MICALL2: variants seen among roughly 807,000 people sequenced by gnomAD.
MICALL2 encodes the protein MICAL-like protein 2.
A neutral mutation model predicts 91.1 loss-of-function variants in MICALL2; 111 were observed. The ratio of observed to expected loss-of-function variants is 1.22; its 90% confidence interval spans 1.04 to 1.43. The LOEUF is 1.43. Ranked by LOEUF, MICALL2 falls within the 40% of genes most tolerant of loss-of-function variation. The probability of loss-of-function intolerance (pLI) is 0.00; values close to 1 mark genes in which losing one functional copy is unlikely to be tolerated. For missense variants in MICALL2, 1,556 were observed against 1,236.0 expected (o/e 1.26, Z -3.88); for synonymous variants, 694 against 525.3 (o/e 1.32, Z -4.39).
intron 9 of MICALL2, 182 bp downstream of exon 9, chr7:1,439,743 G>A (rs1403458785): frequency 1.3e-5 from 6 of 462,814 alleles, no homozygotes; most frequent in East Asian, 3.5e-5. Context: ...ATGCACACAT[G>A]CATCACACAC....
rs1162072123 is a variant in MICALL2 at position 1,451,729 on chromosome 7, C to A, written c.144-1441G>T. ...CAGTCTCCCTGTCTGGGAGGACAACCGCAGCTCCTGGTGGCGAATCTGACG... is the reference window on the plus strand; with the variant it reads ...CAGTCTCCCTGTCTGGGAGGACAACAGCAGCTCCTGGTGGCGAATCTGACG... On this transcript the variant is annotated intron_variant, in intron 1 of 16. Coordinates refer to ENST00000297508, the MANE Select transcript of MICALL2 (RefSeq NM_182924.4). The surrounding 1 kb of genome is among the most constrained non-coding windows in gnomAD (Gnocchi z 4.5). 1.3e-5 allele frequency among the ~76,000 whole-genome samples: 2 copies of A among 152,198 alleles called. No homozygotes were observed.
chr7:1,440,145 G>A, intron 8 of MICALL2, 60 bp from the exon 9 acceptor site: 3 of 1,552,232 alleles, frequency 1.9e-6, no homozygotes, highest in South Asian at 1.2e-5. Context: ...GGCCCACCTG[G>A]AGGGGCTCCC....
intron 2 of MICALL2, among the ~76,000 whole-genome samples, chr7:1,449,660 C>A (rs1316140975): frequency 1.3e-5 from 2 of 152,276 alleles, no homozygotes; most frequent in Non-Finnish European, 2.9e-5. Context: ...GGGGCAGGGA[C>A]GTGGCCGGGG....
intron 6 of MICALL2, among the ~76,000 whole-genome samples, chr7:1,444,019 G>A (rs1049354754): frequency 3.3e-5 from 5 of 151,646 alleles, no homozygotes; most frequent in Admixed American, 6.6e-5. Context: ...GGTCCCGCTC[G>A]CGACCTGTCC....
At chr7:1,456,978 T>C (rs1328930728) in intron 1 of MICALL2, among the ~76,000 whole-genome samples, 3 of 152,088 alleles carry the variant, frequency 2.0e-5, no homozygotes, top group African/African-American at 7.2e-5. Context: ...ACCAGGAATT[T>C]GTTTTCTCAC....
chr7:1,440,402 G>A (rs549365946), intron 8 of MICALL2, 189 bp downstream of exon 8: 13 of 649,508 alleles, frequency 2.0e-5, no homozygotes, highest in South Asian at 7.1e-5. Flanking sequence ...GGTGAGACAC[G>A]CAACGCTGCC....
rs1462712447 is a variant in MICALL2, at chr7:1,440,582, A to T, written c.1805+9T>A. 3 of 1,611,812 alleles carry T rather than the reference A, an allele frequency of 1.9e-6. No homozygotes were observed. Among genetic ancestry groups the T allele is most frequent in the Non-Finnish European group, 2.5e-6 (3 of 1,179,294 alleles). On this transcript the variant is annotated intron_variant, in intron 8 of 16. Transcript: ENST00000297508. The stretch of plus-strand genomic sequence containing the variant: ...ACCAGGCCCTGGGCCAGCCCCACCC[A>T]TCCCTAACCTCTCAGCTGGGCTTCT...
At position 1,452,641 on chromosome 7, in the gene MICALL2, A is replaced by G. The variant is rs1168669414; in HGVS notation, c.144-2353T>C. Among the ~76,000 whole-genome samples, 2 of 152,076 alleles carry G rather than the reference A, an allele frequency of 1.3e-5. No homozygotes were observed. The highest frequency in any genetic ancestry group is 2.4e-5 in the African/African-American group (1 of 41,404). ...CCAGGGGCCAGCAGCGGCTCTGTCC[A>G]GTGGGTTTCCCTGCAGGGCCATCTC... On this transcript the variant is annotated intron_variant, in intron 1 of 16. Coordinates refer to ENST00000297508, the MANE Select transcript of MICALL2 (RefSeq NM_182924.4). The surrounding 1 kb of genome is among the most constrained non-coding windows in gnomAD (Gnocchi z 6.2).
chr7:1,448,522 G>GC, intron 3 of MICALL2, 98 bp downstream of exon 3: 1 of 1,143,250 alleles, frequency 8.7e-7, no homozygotes, highest in Non-Finnish European at 1.3e-6. Flanking sequence ...TTGGGGGGGG[G>GC]GCTGGGCATG....
rs1291893098 is a variant in MICALL2, at chr7:1,434,684, G to C, written c.2639-12C>G. On this transcript the variant is annotated splice_polypyrimidine_tract_variant and intron_variant, in intron 16 of 16. Transcript: ENST00000297508. ...CTTCCTCTGGAGGCCTAGGGGACAG[G>C]TGGACAGTGAGGCCGTGCTCAACGC... The C allele has an allele frequency of 6.5e-7, 1 of 1,544,472 alleles. No homozygotes were observed. Among genetic ancestry groups the C allele is most frequent in the Non-Finnish European group, 8.7e-7 (1 of 1,149,778 alleles).
intron 16 of MICALL2, 64 bp from the exon 17 acceptor site, chr7:1,434,736 A>G: frequency 6.9e-7 from 1 of 1,452,780 alleles, no homozygotes; most frequent in Non-Finnish European, 9.3e-7. Context: ...TGGCCCACAC[A>G]AGTCCCCCTG....
chr7:1,436,006 T>A (rs1473835248), intron 15 of MICALL2, among the ~76,000 whole-genome samples: 1 of 134,660 alleles, frequency 7.4e-6, no homozygotes, highest in African/African-American at 3.4e-5. Context: ...GAGCCGAGAT[T>A]GCGGCCACTG....
chr7:1,446,540 G>C, intron 5 of MICALL2, 173 bp downstream of exon 5: 1 of 560,614 alleles, frequency 1.8e-6, no homozygotes, highest in Non-Finnish European at 3.2e-6. Flanking sequence ...GAGGAGAGGG[G>C]AGGAGGCGGG....
chr7:1,444,897 G>A lies in MICALL2; in HGVS notation c.1173C>T (p.Leu391=). Residue 391 remains leucine, a synonymous_variant, in exon 6 of 17, where the codon CTC becomes CTT. Coordinates refer to ENST00000297508, the MANE Select transcript of MICALL2 (RefSeq NM_182924.4). ...APRVAAPQTT[L]SSSSTSAATV... The stretch of plus-strand genomic sequence containing the variant: ...TGGCTGCAGATGTGGAGCTTGAACT[G>A]AGTGTGGTTTGAGGAGCTGCCACTC... The A allele has an allele frequency of 1.9e-6, 3 of 1,572,820 alleles. No individual in the cohort carries two copies. The highest frequency in any genetic ancestry group is 1.3e-5 in the African/African-American group (1 of 74,532).
chr7:1,442,660 TCCGCCTCCC>T (rs1281660530), intron 6 of MICALL2, among the ~76,000 whole-genome samples, 176 bp from the exon 7 acceptor site: 7 of 84,368 alleles, frequency 8.3e-5, no homozygotes, highest in Non-Finnish European at 1.5e-4. Context: ...AGGCCACCCC[TCCGCCTCCC>T]CCACCATTGC....
intron 1 of MICALL2, 198 bp from the exon 2 acceptor site, chr7:1,450,486 G>A: frequency 1.7e-6 from 1 of 593,256 alleles, no homozygotes; most frequent in Non-Finnish European, 3.1e-6. Flanking sequence ...ATGCTGCTGG[G>A]ACCGTAGTAC....
chr7:1,442,109 C>T lies in MICALL2; in HGVS notation c.1711+83G>A, dbSNP rs529929972. Reference sequence around the variant, plus strand: ...AGGCGGGCGGGGCTGATGATGAAACCGCACACACTGCAGAGTGCGGCCAGG... The same window carrying T: ...AGGCGGGCGGGGCTGATGATGAAACTGCACACACTGCAGAGTGCGGCCAGG... On this transcript the variant is annotated intron_variant, in intron 7 of 16. Transcript: ENST00000297508. 1.2e-4 allele frequency: 174 copies of T among 1,476,694 alleles called. 1 individual carries two copies. The highest frequency in any genetic ancestry group is 1.0e-3 in the South Asian group (82 of 81,768). The allele number at this position is 1,476,694 out of a possible 1,614,324, so 91.5% of individuals were successfully genotyped here.
At position 1,443,847 on chromosome 7, in the gene MICALL2, C is replaced by T. The variant is rs533836252; in HGVS notation, c.1418+805G>A. ...GGGGGTGGATTTCTACTGTGTAAGC[C>T]GCCCAGTGAGGGGGTCTTTGGAAAC... is the stretch of plus-strand genomic sequence containing the variant. On this transcript the variant is annotated intron_variant, in intron 6 of 16. Coordinates refer to ENST00000297508, the MANE Select transcript of MICALL2 (RefSeq NM_182924.4). Among the ~76,000 whole-genome samples, 8 of 152,292 alleles carry T rather than the reference C, an allele frequency of 5.3e-5. No individual in the cohort carries two copies. In the South Asian group the frequency reaches 1.0e-3, roughly 20 times the overall value.
rs755792616 is a variant in MICALL2, at chr7:1,444,952, G to A, written c.1118C>T (p.Pro373Leu). 159 of 1,510,858 alleles carry A rather than the reference G, an allele frequency of 1.1e-4. No individual in the cohort carries two copies. The highest frequency in any genetic ancestry group is 4.1e-4 in the African/African-American group (30 of 72,744). 93.6% of individuals were successfully genotyped at this position (1,510,858 alleles called of 1,614,324 possible). A position where few individuals can be genotyped will look rare whatever the true frequency, so the allele number is the denominator to read the frequency against. ...GGCTCCCCCACCCTGGGGTGTGGCC[G>A]GGCGAGGGTCTGGGGCACTCGGGGG... ...AVPPSAPDPR[P>L]ATPQGGGAPR... Residue 373 changes from proline to leucine, a missense_variant, in exon 6 of 17, where the codon CCG becomes CTG. Physicochemically the swap from Pro to Leu is moderately conservative, Grantham distance 98. Transcript: ENST00000297508.
Sources: gnomAD v4.1 joint callset for allele counts (sites outside exome capture counted in the v4.1 genomes callset) on GRCh38, gnomAD v4.1.1 for gene constraint, Gnocchi (gnomAD v3.1) non-coding constraint, MANE v1.5 for transcripts, NCBI Gene and HGNC (gene_info 2026-07-23, HGNC 2026-07-21) for gene names.